MUC3A: variants seen among roughly 807,000 people sequenced by gnomAD.
MUC3A encodes the protein mucin 3A, cell surface associated.
A neutral mutation model predicts 109.0 loss-of-function variants in MUC3A; 109 were observed. The ratio of observed to expected loss-of-function variants is 1.00; its 90% CI spans 0.86 to 1.17. The LOEUF (loss-of-function observed/expected upper bound fraction) is 1.17. Among genes scored for constraint, MUC3A ranks in the 50% most tolerant of loss-of-function variants. The pLI is 0.00. For missense variants in MUC3A, 3,537 were observed against 2,469.4 expected (o/e 1.43, Z -9.16); for synonymous variants, 1,398 against 981.4 (o/e 1.42, Z -7.93).
At position 100,952,093 on chromosome 7, in the gene MUC3A, C is replaced by A. The variant is rs776891540; in HGVS notation, c.314C>A (p.Thr105Lys). 1.9e-6 allele frequency: 3 copies of A among 1,598,516 alleles called. No individual in the cohort carries two copies. The highest frequency in any genetic ancestry group is 2.7e-5 in the African/African-American group (2 of 74,960). ...PVSSNTSTTP[T>K]SKFAFKVETT... ...AGTTCCAACACCTCAACCACCCCGA[C>A]GTCCAAGTTTGCCTTCAAGGTTGAA... Residue 105 changes from threonine (T) to lysine (K), a missense_variant, in exon 2 of 12, where the codon ACG becomes AAG. Transcript: ENST00000379458.
chr7:100,955,015 C>A lies in MUC3A; in HGVS notation c.3236C>A (p.Ser1079Tyr), dbSNP rs1792063565. The change falls in exon 2 of 12, where the codon TCT becomes TAT. Residue 1079 changes from serine to tyrosine, a missense_variant. Coordinates refer to ENST00000379458, the MANE Select transcript of MUC3A (RefSeq NM_005960.2). Reference protein sequence around the residue: ...VTTLLTTITRSTPTSETTYPT... With the variant: ...VTTLLTTITRYTPTSETTYPT... ...ACACTCCTCACTACCATCACCAGAT[C>A]TACACCTACATCTGAGACCACCTAC... 2 of 591,302 alleles carry A rather than the reference C, an allele frequency of 3.4e-6. No individual in the cohort carries two copies. The highest frequency in any genetic ancestry group is 2.8e-5 in the East Asian group (1 of 35,706). 36.6% of individuals were successfully genotyped at this position (591,302 alleles called of 1,614,324 possible).
At position 100,960,207 on chromosome 7, in the gene MUC3A, A is replaced by C; in HGVS notation, c.8428A>C (p.Thr2810Pro). The change falls in exon 2 of 12, where the codon ACC (threonine) becomes CCC (proline). Residue 2810 changes from threonine to proline, a missense_variant. Thr to Pro is a conservative substitution (Grantham distance 38). Coordinates refer to ENST00000379458, the MANE Select transcript of MUC3A (RefSeq NM_005960.2). The stretch of plus-strand genomic sequence containing the variant: ...CCCATTAACAGTCTTTCCCTTTACT[A>C]CCGAAATGGTCACCTGTCCTACCTC... The part of the protein sequence containing the change: ...TTPLTVFPFT[T>P]EMVTCPTSIS... 6.3e-7 allele frequency: 1 copy of C among 1,595,532 alleles called. No individual in the cohort carries two copies.
rs1293736116 is a variant in MUC3A, at chr7:100,959,902, A to T, written c.8123A>T (p.His2708Leu). Residue 2708 changes from histidine to leucine, a missense_variant, in exon 2 of 12, where the codon CAT becomes CTT. Physicochemically the swap from His to Leu is moderately conservative, Grantham distance 99. Transcript: ENST00000379458. ...SITPVFSTTI[H>L]SVPSSPYIFS... ...ACTCCAGTGTTTTCCACTACCATTC[A>T]TTCTGTTCCTTCTTCACCATACATT... 6.5e-7 allele frequency: 1 copy of T among 1,531,628 alleles called. No individual in the cohort carries two copies. The highest frequency in any genetic ancestry group is 1.3e-5 in the South Asian group (1 of 77,826). The allele number at this position is 1,531,628 out of a possible 1,614,324, so 94.9% of individuals were successfully genotyped here. A position where few individuals can be genotyped will look rare whatever the true frequency, so the allele number is the denominator to read the frequency against.
chr7:100,963,625 G>C (rs1171944885), intron 4 of MUC3A, 63 bp from the exon 5 acceptor site: 1 of 1,597,478 alleles, frequency 6.3e-7, no homozygotes, highest in African/African-American at 1.3e-5. Flanking sequence ...GCTGGGGTTG[G>C]GCGTCTGGGT....
At chr7:100,965,563 A>C (rs1792504095) in intron 7 of MUC3A, 141 bp from the exon 8 acceptor site, 2 of 1,457,004 alleles carry the variant, frequency 1.4e-6, no homozygotes, top group Non-Finnish European at 1.8e-6. Context: ...GCCTCCCCTC[A>C]TCGAATCCCA....
intron 5 of MUC3A, chr7:100,964,462 A>T: frequency 1.5e-6 from 1 of 649,634 alleles, no homozygotes; most frequent in Non-Finnish European, 2.4e-6. Flanking sequence ...TGTCTCTATA[A>T]AACACACAGA....
chr7:100,965,543 G>C (rs1281214693), intron 7 of MUC3A, 161 bp from the exon 8 acceptor site: 2 of 1,410,246 alleles, frequency 1.4e-6, no homozygotes, highest in Admixed American at 4.5e-5. Context: ...GGGTGAGGGT[G>C]CTGCGGGTGG....
At position 100,959,610 on chromosome 7, in the gene MUC3A, C is replaced by A. The variant is rs756172583; in HGVS notation, c.7831C>A (p.Leu2611Ile). Residue 2611 changes from leucine to isoleucine, a missense_variant, in exon 2 of 12, where the codon CTT becomes ATT. Coordinates refer to ENST00000379458, the MANE Select transcript of MUC3A (RefSeq NM_005960.2). Reference sequence around the variant, plus strand: ...AAGTACGGATTCCTCCACGTCCACTCTTCATACTCTTACTCCATCAACAGC... The same window carrying A: ...AAGTACGGATTCCTCCACGTCCACTATTCATACTCTTACTCCATCAACAGC... ...FGSTDSSTST[L>I]HTLTPSTALS... The A allele has an allele frequency of 7.5e-6, 12 of 1,598,282 alleles. No homozygotes were observed. The East Asian group carries it at 2.5e-4, about 33-fold the overall frequency.
intron 8 of MUC3A, 140 bp downstream of exon 8, chr7:100,966,006 C>A (rs1161741641): frequency 1.5e-6 from 2 of 1,349,484 alleles, no homozygotes; most frequent in East Asian, 5.1e-5. Context: ...CCAAGCCCAT[C>A]CCCGTTGCCC....
Position 100,954,120 on chromosome 7 carries a change from A to G in MUC3A, c.2341A>G (p.Thr781Ala), listed in dbSNP as rs1792041459. The G allele has an allele frequency of 1.0e-5, 6 of 594,612 alleles. No individual in the cohort carries two copies. In the East Asian group the frequency reaches 1.8e-4, roughly 17 times the overall value. 36.8% of individuals were successfully genotyped at this position (594,612 alleles called of 1,614,324 possible). ...SHSTTSFTSS[T>A]VYSTASTYTT... ...TAGTACCACCAGCTTCACTTCTTCA[A>G]CCGTCTACTCCACAGCCAGCACATA... Residue 781 changes from threonine (T) to alanine (A), a missense_variant, in exon 2 of 12, where the codon ACC becomes GCC. Coordinates refer to ENST00000379458, the MANE Select transcript of MUC3A (RefSeq NM_005960.2).
In MUC3A at chr7:100,953,554, CA is replaced by C. The variant is rs1792027137; in HGVS notation, c.1777del (p.Thr593LeufsTer37). The C allele has an allele frequency of 2.3e-6, 1 of 430,914 alleles. No homozygotes were observed. The highest frequency in any genetic ancestry group is 4.0e-6 in the Non-Finnish European group (1 of 248,474). The allele number at this position is 430,914 out of a possible 1,614,324, so 26.7% of individuals were successfully genotyped here. A position where few individuals can be genotyped will look rare whatever the true frequency, so the allele number is the denominator to read the frequency against. On this transcript the variant is annotated frameshift_variant, in exon 2 of 12. Coordinates refer to ENST00000379458, the MANE Select transcript of MUC3A (RefSeq NM_005960.2). LOFTEE classifies it high-confidence loss of function. ...TTMEPPSTTAATTGTGQTTFT... is the reference protein window; with the variant it reads ...TTMEPPSTTAXTTGTGQTTFT... ...ATGGAACCACCTTCAACCACTGCAGCAACTACAGGAACAGGTCAGACCACCT... is the reference window on the plus strand; with the variant it reads ...ATGGAACCACCTTCAACCACTGCAGCACTACAGGAACAGGTCAGACCACCT...
In MUC3A at chr7:100,949,700, C is replaced by A; in HGVS notation, c.61+15C>A. On this transcript the variant is annotated intron_variant, in intron 1 of 11. Transcript: ENST00000379458. Reference sequence around the variant, plus strand: ...GTGGGCCACAGGTAAGGGGGAGAGGCGGAAGGGGGTTGGAGAAAAGCTCCT... The same window carrying A: ...GTGGGCCACAGGTAAGGGGGAGAGGAGGAAGGGGGTTGGAGAAAAGCTCCT... 1.3e-6 allele frequency: 2 copies of A among 1,520,578 alleles called. No homozygotes were observed. Among genetic ancestry groups the A allele is most frequent in the South Asian group, 1.2e-5 (1 of 82,178 alleles). 94.2% of individuals were successfully genotyped at this position (1,520,578 alleles called of 1,614,324 possible).
chr7:100,966,686 TG>T lies in MUC3A; in HGVS notation c.9823del (p.Asp3275MetfsTer35). Reference sequence around the variant, plus strand: ...CCAGGACAGGAAATGGTTCGAGACCTGGGATGAGGAAGTCGTGGGCACTTTT... The same window carrying T: ...CCAGGACAGGAAATGGTTCGAGACCTGGATGAGGAAGTCGTGGGCACTTTT... ...WDQDRKWFET[W>X]DEEVVGTFSN... On this transcript the variant is annotated frameshift_variant, in exon 10 of 12. Transcript: ENST00000379458. LOFTEE classifies it high-confidence loss of function. 2 of 1,598,554 alleles carry T rather than the reference TG, an allele frequency of 1.3e-6. No individual in the cohort carries two copies. Among genetic ancestry groups the T allele is most frequent in the Non-Finnish European group, 1.7e-6 (2 of 1,179,832 alleles).
In MUC3A at chr7:100,964,759, A is replaced by G. The variant is rs1461339660; in HGVS notation, c.9298A>G (p.Ser3100Gly). The change falls in exon 6 of 12, where the codon AGC becomes GGC. Residue 3100 changes from serine to glycine, a missense_variant. Transcript: ENST00000379458. ...LEMPFSPQLE[S>G]EYEQVKTTLK... ...GATGCCCTTCAGCCCCCAGCTGGAG[A>G]GCGAGTATGAGCAGGTGAAGACCAC... The G allele has an allele frequency of 6.3e-7, 1 of 1,598,504 alleles. No individual in the cohort carries two copies.
Position 100,959,357 on chromosome 7 carries a change from T to G in MUC3A, c.7578T>G (p.Ile2526Met). ...CCTTACCAACTCGAACACACATCAT[T>G]TCATCTTCTCCCTCCATCCAAAGTA... ...ISTLPTRTHI[I>M]SSSPSIQSTE... The change falls in exon 2 of 12, where the codon ATT (isoleucine) becomes ATG (methionine). Residue 2526 changes from isoleucine to methionine, a missense_variant. Transcript: ENST00000379458. The G allele has an allele frequency of 6.5e-7, 1 of 1,541,318 alleles. No homozygotes were observed. The highest frequency in any genetic ancestry group is 8.7e-7 in the Non-Finnish European group (1 of 1,152,500).
At position 100,960,589 on chromosome 7, in the gene MUC3A, G is replaced by T. The variant is rs1196082421; in HGVS notation, c.8810G>T (p.Arg2937Met). Residue 2937 changes from arginine to methionine, a missense_variant, in exon 2 of 12, where the codon AGG becomes ATG. Coordinates refer to ENST00000379458, the MANE Select transcript of MUC3A (RefSeq NM_005960.2). ...ACTCCTACCACCCTTACATCACGCA[G>T]GACAACTCGCATCACTTCTCAGATG... ...TQTPTTLTSR[R>M]TTRITSQMTT... The T allele has an allele frequency of 1.3e-6, 2 of 1,598,714 alleles. No homozygotes were observed. Among genetic ancestry groups the T allele is most frequent in the African/African-American group, 2.7e-5 (2 of 75,084 alleles).
Position 100,957,304 on chromosome 7 carries a change from C to T in MUC3A, c.5525C>T (p.Pro1842Leu). ...ACACCTACATCTGAGACCACCTACCCTACTTCTCTTACTAGTGCTCTCACA... is the reference window on the plus strand; with the variant it reads ...ACACCTACATCTGAGACCACCTACCTTACTTCTCTTACTAGTGCTCTCACA... The part of the protein sequence containing the change: ...SSTPTSETTY[P>L]TSLTSALTDS... The change falls in exon 2 of 12, where the codon CCT (proline) becomes CTT (leucine). Residue 1842 changes from proline (P) to leucine (L), a missense_variant. Physicochemically the swap from Pro to Leu is moderately conservative, Grantham distance 98 (BLOSUM62 -3). Transcript: ENST00000379458. The T allele has an allele frequency of 3.5e-6, 2 of 568,768 alleles. No individual in the cohort carries two copies. Among genetic ancestry groups the T allele is most frequent in the Non-Finnish European group, 6.2e-6 (2 of 324,854 alleles). The allele number at this position is 568,768 out of a possible 1,614,324, so 35.2% of individuals were successfully genotyped here.
At chr7:100,962,476 C>T (rs1217886399) in intron 3 of MUC3A, among the ~76,000 whole-genome samples, 1 of 152,308 alleles carries the variant, frequency 6.6e-6, no homozygotes, top group Non-Finnish European at 1.5e-5. Flanking sequence ...CCTTGATCCT[C>T]CCTTGCCATG....
At chr7:100,962,280 TG>T (rs1350769058) in intron 3 of MUC3A, among the ~76,000 whole-genome samples, 3 of 147,840 alleles carry the variant, frequency 2.0e-5, no homozygotes, top group Admixed American at 2.0e-4. Flanking sequence ...TACCTGGGCA[TG>T]GTGGCTCATG....
Sources: allele counts gnomAD v4.1 joint callset (sites outside exome capture counted in the v4.1 genomes callset), GRCh38; gene constraint gnomAD v4.1.1; transcripts MANE v1.5; gene names NCBI Gene and HGNC (gene_info 2026-07-23, HGNC 2026-07-21).